The following EXD3 variants were observed in gnomAD, a reference collection of about 807,000 sequenced individuals.
EXD3 encodes exonuclease mut-7 homolog.
Under a neutral mutation model 98.0 loss-of-function variants are expected in EXD3, and 92 were observed. The observed-to-expected ratio is 0.94, with a 90% CI of 0.79 to 1.12. The LOEUF (loss-of-function observed/expected upper bound fraction) is 1.12. Ranked by LOEUF, EXD3 falls within the 50% of genes most tolerant of loss-of-function variation. The probability of loss-of-function intolerance (pLI) is 0.00; values close to 1 mark genes in which losing one functional copy is unlikely to be tolerated. For missense variants in EXD3, 1,222 were observed against 1,191.6 expected, an observed-to-expected ratio of 1.03 and a Z score of -0.38; for synonymous variants, 569 against 526.0, an observed-to-expected ratio of 1.08 and a Z score of -1.12.
chr9:137,375,118 C>T (rs1336970319), intron 3 of EXD3, among the ~76,000 whole-genome samples: 9 of 152,168 alleles, frequency 5.9e-5, no homozygotes, highest in Non-Finnish European at 8.8e-5. Context: ...ACGCCATTCT[C>T]CTGCCTCAGC....
chr9:137,328,487 A>ATAAACACCCATAT (rs1832623250), intron 17 of EXD3, among the ~76,000 whole-genome samples: 3 of 4,444 alleles, frequency 6.8e-4, no homozygotes, highest in East Asian at 5.9e-3. Context: ...TAAAAACAAA[A>ATAAACACCCATAT]GTAAAAACAA....
At chr9:137,416,559 T>C (rs916822890) in intron 1 of EXD3, among the ~76,000 whole-genome samples, 3 of 151,010 alleles carry the variant, frequency 2.0e-5, no homozygotes, top group Admixed American at 6.6e-5. Flanking sequence ...ATCCGGACCC[T>C]CGTCAGCCCG....
intron 1 of EXD3, among the ~76,000 whole-genome samples, chr9:137,397,249 C>T (rs868854837): frequency 2.6e-5 from 4 of 152,298 alleles, no homozygotes; most frequent in East Asian, 1.9e-4. Context: ...ACCAAGCCCA[C>T]GAAAGCCGGA....
At chr9:137,355,628 TGGAGGAA>T (rs1564508917) in intron 8 of EXD3, among the ~76,000 whole-genome samples, 35 of 4,860 alleles carry the variant, frequency 7.2e-3, no homozygotes, top group Non-Finnish European at 0.013. Flanking sequence ...GAAGGGAGGA[TGGAGGAA>T]GGAGGAAGGA....
Position 137,393,068 on chromosome 9 carries a change from G to A in EXD3, c.55+2235C>T. 1.5e-6 allele frequency: 1 copy of A among 647,372 alleles called. No individual in the cohort carries two copies. Among genetic ancestry groups the A allele is most frequent in the Non-Finnish European group, 2.7e-6 (1 of 364,182 alleles). The allele number at this position is 647,372 out of a possible 1,614,324, so 40.1% of individuals were successfully genotyped here. The stretch of plus-strand genomic sequence containing the variant: ...AGGGGGTGCTGAGGCTGTTCCAGGG[G>A]GCACCGAGGCTGTTCTCGGTGGGGG... On this transcript the variant is annotated intron_variant, in intron 2 of 21. Coordinates refer to ENST00000340951, the MANE Select transcript of EXD3 (RefSeq NM_017820.5). This position sits in a 1 kb window ranked among gnomAD's most constrained non-coding sequence, Gnocchi z 4.6.
At chr9:137,358,081 C>T (rs1217528809) in intron 7 of EXD3, among the ~76,000 whole-genome samples, 1 of 152,158 alleles carries the variant, frequency 6.6e-6, no homozygotes, top group Non-Finnish European at 1.5e-5. Context: ...CCCTCACAGA[C>T]ACACCCAGGA....
At chr9:137,366,893 G>A (rs1045088647) in intron 6 of EXD3, among the ~76,000 whole-genome samples, 14 of 152,240 alleles carry the variant, frequency 9.2e-5, no homozygotes, top group African/African-American at 3.4e-4. Context: ...AAGCTCATTT[G>A]TCACCAAATG....
At chr9:137,365,637 GCA>G (rs1265919030) in intron 7 of EXD3, 8 of 167,232 alleles carry the variant, frequency 4.8e-5, no homozygotes, top group Admixed American at 6.8e-5. Context: ...ACACACACGT[GCA>G]CACACATACA....
chr9:137,422,854 A>T (rs1264531262), intron 1 of EXD3, among the ~76,000 whole-genome samples: 1 of 152,086 alleles, frequency 6.6e-6, no homozygotes, highest in African/African-American at 2.4e-5. Flanking sequence ...CCTGCGGGAC[A>T]GGGCGGCGGG....
chr9:137,349,502 G>A lies in EXD3; in HGVS notation c.1524C>T (p.Ala508=), dbSNP rs549148402. 6.6e-5 allele frequency: 106 copies of A among 1,600,186 alleles called. No homozygotes were observed. In the South Asian group the frequency reaches 7.6e-4, roughly 12 times the overall value. ...CCCTCAGCTCCCTGGCCCTGTCCAC[G>A]GCTGGGGCTGGCACGCTCGCCACCC... ...QMRVASVPAP[A]VDRARELRGL... is the part of the protein sequence containing the mutation. The change falls in exon 15 of 22, where the codon GCC becomes GCT. Residue 508 remains alanine, a synonymous_variant. Coordinates refer to ENST00000340951, the MANE Select transcript of EXD3 (RefSeq NM_017820.5). The surrounding 1 kb of genome is among the most constrained non-coding windows in gnomAD (Gnocchi z 7.4).
At chr9:137,379,639 T>G (rs1836125760) in intron 3 of EXD3, among the ~76,000 whole-genome samples, 1 of 151,952 alleles carries the variant, frequency 6.6e-6, no homozygotes, top group Non-Finnish European at 1.5e-5. Context: ...GACTGGGCGC[T>G]CCAGGCCATT....
At position 137,416,206 on chromosome 9, in the gene EXD3, C is replaced by T. The variant is rs148326089; in HGVS notation, c.-48+6908G>A. On this transcript the variant is annotated intron_variant, in intron 1 of 21. Coordinates refer to ENST00000340951, the MANE Select transcript of EXD3 (RefSeq NM_017820.5). ...TCGCTCTTCTGCAGTGCCTGAGGGCCAAGAATTCTGCGGTGGCTGGCTGGG... is the reference window on the plus strand; with the variant it reads ...TCGCTCTTCTGCAGTGCCTGAGGGCTAAGAATTCTGCGGTGGCTGGCTGGG... 3.2e-3 allele frequency among the ~76,000 whole-genome samples: 494 copies of T among 152,328 alleles called. 5 individuals are homozygous for T. The highest frequency in any genetic ancestry group is 0.011 in the African/African-American group (447 of 41,574).
intron 17 of EXD3, among the ~76,000 whole-genome samples, chr9:137,325,401 C>CA (rs2119109237): frequency 6.6e-6 from 1 of 152,294 alleles, no homozygotes; most frequent in African/African-American, 2.4e-5. Flanking sequence ...GACACCTTTC[C>CA]ATGCATTCAG....
chr9:137,374,857 C>T lies in EXD3; in HGVS notation c.121-1258G>A, dbSNP rs142069617. On this transcript the variant is annotated intron_variant, in intron 3 of 21. Transcript: ENST00000340951. ...CTTGAAGGAGCTCCAGGAACTTAGT[C>T]CTAGCCCTAGTGAGTTCTAACTCTA... is the stretch of plus-strand genomic sequence containing the variant. 3.0e-6 allele frequency: 3 copies of T among 985,376 alleles called. No homozygotes were observed. The South Asian group carries it at 1.4e-4, about 46-fold the overall frequency. The allele number at this position is 985,376 out of a possible 1,614,324, so 61.0% of individuals were successfully genotyped here.
At chr9:137,333,928 C>T (rs1406843950) in intron 17 of EXD3, among the ~76,000 whole-genome samples, 3 of 152,014 alleles carry the variant, frequency 2.0e-5, no homozygotes, top group Admixed American at 1.3e-4. Flanking sequence ...CTGCAACCTC[C>T]GCCTCCCAGG....
intron 17 of EXD3, among the ~76,000 whole-genome samples, chr9:137,341,271 C>A (rs1833642995): frequency 6.6e-6 from 1 of 152,192 alleles, no homozygotes; most frequent in African/African-American, 2.4e-5. Context: ...CAGCTGTGAT[C>A]ACACCACTAC....
rs36029399 is a variant in EXD3, at chr9:137,400,029, CAAAAAAA to C, written c.-47-4632_-47-4626del. The stretch of plus-strand genomic sequence containing the variant: ...TGGGTGACAGAGCAGAACTCCATCT[CAAAAAAA>C]AAAAAAAAAAAAGAAAATGAGGAAG... On this transcript the variant is annotated intron_variant, in intron 1 of 21. Transcript: ENST00000340951. Among the ~76,000 whole-genome samples the C allele has an allele frequency of 3.0e-4, 22 of 73,340 alleles. No homozygotes were observed. In the East Asian group the frequency reaches 6.6e-3, roughly 22 times the overall value. The allele number at this position is 73,340 out of a possible 152,430, so 48.1% of individuals were successfully genotyped here. A position where few individuals can be genotyped will look rare whatever the true frequency, so the allele number is the denominator to read the frequency against.
chr9:137,309,789 G>A, intron 19 of EXD3, 89 bp from the exon 20 acceptor site: 2 of 971,912 alleles, frequency 2.1e-6, no homozygotes, highest in Non-Finnish European at 3.2e-6. Context: ...GAAGCTCTGG[G>A]TCTGGCCATG....
chr9:137,415,335 C>T (rs917003499), intron 1 of EXD3, among the ~76,000 whole-genome samples: 4 of 152,042 alleles, frequency 2.6e-5, no homozygotes, highest in Non-Finnish European at 5.9e-5. Flanking sequence ...TCCTGAGTGG[C>T]TGGGATTACA....
Sources: gnomAD v4.1 joint callset for allele counts (sites outside exome capture counted in the v4.1 genomes callset) on GRCh38, gnomAD v4.1.1 for gene constraint, Gnocchi (gnomAD v3.1) non-coding constraint, MANE v1.5 for transcripts, NCBI Gene and HGNC (gene_info 2026-07-23, HGNC 2026-07-21) for gene names.